The following RBM33 variants were observed in gnomAD, a reference collection of about 807,000 sequenced individuals.
RBM33 encodes the protein RNA-binding protein 33.
A neutral mutation model predicts 132.6 loss-of-function variants in RBM33; 28 were observed. The observed-to-expected ratio is 0.21, with a 90% CI of 0.16 to 0.29. The LOEUF is 0.29. Among genes scored for constraint, RBM33 ranks in the 10% least tolerant of loss-of-function variants. The probability of loss-of-function intolerance (pLI) is 1.00; values close to 1 mark genes in which losing one functional copy is unlikely to be tolerated. For synonymous variants in RBM33, 634 were observed against 593.0 expected, an observed-to-expected ratio of 1.07 and a Z score of -1.01; for missense variants, 1,291 against 1,518.5, an observed-to-expected ratio of 0.85 and a Z score of 2.49.
At chr7:155,751,961 C>G (rs1463640526) in intron 14 of RBM33, among the ~76,000 whole-genome samples, 1 of 152,170 alleles carries the variant, frequency 6.6e-6, no homozygotes. Context: ...TCTCCTTCAT[C>G]TATTTGTTCA....
intron 16 of RBM33, chr7:155,766,907 G>A (rs1802240354): frequency 2.0e-6 from 1 of 506,830 alleles, no homozygotes; most frequent in South Asian, 2.6e-5. Flanking sequence ...TATCCTTTGA[G>A]ATCCTTTTAA....
chr7:155,680,813 G>A lies in RBM33; in HGVS notation c.472G>A (p.Asp158Asn). The A allele has an allele frequency of 1.9e-6, 3 of 1,613,802 alleles. No individual in the cohort carries two copies. Among genetic ancestry groups the A allele is most frequent in the Non-Finnish European group, 1.7e-6 (2 of 1,179,776 alleles). The change falls in exon 5 of 18, where the codon GAC becomes AAC. Residue 158 changes from aspartate (D) to asparagine (N), a missense_variant. Physicochemically the swap from Asp to Asn is conservative, Grantham distance 23. This residue lies in a region of RBM33 where 194 missense variants were observed against 249.8 expected (regional missense o/e 0.78). Transcript: ENST00000401878. The stretch of plus-strand genomic sequence containing the variant: ...AGGCCACGAAGCTGAGTTGACAGAA[G>A]ACCAAATAGAATATGTGGAAGAGCC... ...YEGHEAELTE[D>N]QIEYVEEPEE... is the part of the protein sequence containing the mutation.
intron 5 of RBM33, among the ~76,000 whole-genome samples, chr7:155,692,684 C>G (rs1473170061): frequency 6.6e-6 from 1 of 152,198 alleles, no homozygotes; most frequent in Non-Finnish European, 1.5e-5. Flanking sequence ...AGCTTTCTTA[C>G]AGCTTCCGTG....
chr7:155,747,011 G>T (rs1801538631), intron 14 of RBM33, among the ~76,000 whole-genome samples: 1 of 152,196 alleles, frequency 6.6e-6, no homozygotes, highest in Non-Finnish European at 1.5e-5. Context: ...AATTAGCTGA[G>T]ATTTAGTGCT....
chr7:155,778,633 G>A lies in RBM33; in HGVS notation c.*3592G>A, dbSNP rs1169068708. On this transcript the variant is annotated 3_prime_UTR_variant, in exon 18 of 18. Coordinates refer to ENST00000401878, the MANE Select transcript of RBM33 (RefSeq NM_053043.3). This position sits in a 1 kb window ranked among gnomAD's most constrained non-coding sequence, Gnocchi z 4.0. ...GGGGAGGGGAACGTCTTCACTGGGT[G>A]GTGATCAGCTGGGACAGTTCAGGTA... The A allele has an allele frequency of 2.0e-5, 3 of 152,436 alleles. No individual in the cohort carries two copies. The highest frequency in any genetic ancestry group is 2.9e-5 in the Non-Finnish European group (2 of 68,250). The allele number at this position is 152,436 out of a possible 1,614,324, so 9.4% of individuals were successfully genotyped here. A position where few individuals can be genotyped will look rare whatever the true frequency, so the allele number is the denominator to read the frequency against.
intron 9 of RBM33, among the ~76,000 whole-genome samples, chr7:155,729,340 G>C (rs1161389255): frequency 6.6e-6 from 1 of 152,090 alleles, no homozygotes; most frequent in East Asian, 1.9e-4. Context: ...GGAAGTTCTG[G>C]CCTCCCACCA....
intron 14 of RBM33, among the ~76,000 whole-genome samples, chr7:155,749,251 GC>G (rs2117043426): frequency 6.6e-6 from 1 of 152,186 alleles, no homozygotes; most frequent in East Asian, 1.9e-4. Context: ...TGCTTCTAAG[GC>G]CCCTTTTAGA....
intron 1 of RBM33, among the ~76,000 whole-genome samples, chr7:155,656,323 C>T (rs57062982): frequency 0.025 from 3,770 of 152,156 alleles, 139 homozygotes; most frequent in African/African-American, 0.085. Context: ...GGCACAAAAT[C>T]ATGGTTAAAG....
intron 5 of RBM33, among the ~76,000 whole-genome samples, chr7:155,693,617 T>G (rs1033027477): frequency 1.4e-5 from 2 of 140,954 alleles, no homozygotes; most frequent in Non-Finnish European, 3.2e-5. Context: ...TGTTGCTTGC[T>G]TTTGTGATGA....
intron 6 of RBM33, 195 bp from the exon 7 acceptor site, chr7:155,706,664 AT>A: frequency 1.8e-6 from 1 of 545,616 alleles, no homozygotes; most frequent in Admixed American, 3.1e-5. Flanking sequence ...GCCTGTTCTT[AT>A]TTATCAGATC....
intron 7 of RBM33, among the ~76,000 whole-genome samples, chr7:155,710,128 A>G (rs773251001): frequency 1.4e-4 from 21 of 152,208 alleles, no homozygotes; most frequent in Non-Finnish European, 2.9e-4. Context: ...TGGATCATTT[A>G]CTTGGAATTT....
chr7:155,758,943 G>A (rs1209641847), intron 14 of RBM33, among the ~76,000 whole-genome samples: 1 of 152,178 alleles, frequency 6.6e-6, no homozygotes, highest in Non-Finnish European at 1.5e-5. Context: ...AGCTTCCCAA[G>A]CAGGGAGGGG....
Position 155,711,248 on chromosome 7 carries a change from A to ATCAGAAGCC in RBM33, c.996_1004dup (p.Arg333_Leu335dup). The ATCAGAAGCC allele has an allele frequency of 6.3e-7, 1 of 1,599,244 alleles. No homozygotes were observed. Among genetic ancestry groups the ATCAGAAGCC allele is most frequent in the Non-Finnish European group, 8.5e-7 (1 of 1,173,528 alleles). On this transcript the variant is annotated inframe_insertion, in exon 8 of 18. Transcript: ENST00000401878. ...GCCACCGCCGCCTCAGCAGCAGCCG[A>ATCAGAAGCC]TCAGAAGCCTGTTCCAGCCGCAGCC...
At position 155,714,206 on chromosome 7, in the gene RBM33, G is replaced by A. The variant is rs866590973; in HGVS notation, c.1201+2751G>A. Among the ~76,000 whole-genome samples, 3 of 152,300 alleles carry A rather than the reference G, an allele frequency of 2.0e-5. No homozygotes were observed. The South Asian group carries it at 6.2e-4, about 32-fold the overall frequency. On this transcript the variant is annotated intron_variant, in intron 8 of 17. Coordinates refer to ENST00000401878, the MANE Select transcript of RBM33 (RefSeq NM_053043.3). Reference sequence around the variant, plus strand: ...TCTGCGCACACTAGGTGTGGAATAGGCAGGCAGTTGGGTTTATGAGGGTCA... The same window carrying A: ...TCTGCGCACACTAGGTGTGGAATAGACAGGCAGTTGGGTTTATGAGGGTCA...
chr7:155,702,841 A>T (rs1486098199), intron 6 of RBM33, among the ~76,000 whole-genome samples: 1 of 152,194 alleles, frequency 6.6e-6, no homozygotes, highest in Non-Finnish European at 1.5e-5. Context: ...TTAAAACATG[A>T]TGTATAAAAG....
At chr7:155,673,940 G>GTTGTTGTTTGTGTTTTTTTTTTT in intron 3 of RBM33, among the ~76,000 whole-genome samples, 1 of 54,214 alleles carries the variant, frequency 1.8e-5, no homozygotes, top group Non-Finnish European at 3.2e-5. Context: ...TTTAGGCTTA[G>GTTGTTGTTTGTGTTTTTTTTTTT]TTTTTTTTTT....
At chr7:155,710,149 C>G (rs1037232732) in intron 7 of RBM33, among the ~76,000 whole-genome samples, 1 of 152,166 alleles carries the variant, frequency 6.6e-6, no homozygotes, top group African/African-American at 2.4e-5. Flanking sequence ...AGAAGCCCTC[C>G]GTAATTTGGC....
chr7:155,707,331 C>T, intron 7 of RBM33: 1 of 591,054 alleles, frequency 1.7e-6, no homozygotes, highest in African/African-American at 1.8e-5. Context: ...GACCTGATGC[C>T]CTAAGATGAC....
intron 5 of RBM33, among the ~76,000 whole-genome samples, chr7:155,698,657 A>C (rs909637148): frequency 1.3e-5 from 2 of 152,200 alleles, no homozygotes; most frequent in Non-Finnish European, 2.9e-5. Context: ...TCCATCACTC[A>C]AAAATATTCC....
Sources: gnomAD v4.1 joint callset for allele counts (sites outside exome capture counted in the v4.1 genomes callset) on GRCh38, gnomAD v4.1.1 for gene constraint, gnomAD v4.1.1 regional missense constraint, Gnocchi (gnomAD v3.1) non-coding constraint, MANE v1.5 for transcripts, NCBI Gene and HGNC (gene_info 2026-07-23, HGNC 2026-07-21) for gene names.